Variants in NDUFAF6 observed in about 807,000 individuals in gnomAD.
NDUFAF6 encodes NADH dehydrogenase (ubiquinone) complex I, assembly factor 6.
A neutral mutation model predicts 40.8 loss-of-function variants in NDUFAF6; 45 were observed. That is an observed-to-expected ratio of 1.10 (90% CI 0.87 to 1.42). The LOEUF is 1.42. Among genes scored for constraint, NDUFAF6 ranks in the 40% most tolerant of loss-of-function variants. The pLI, the probability that NDUFAF6 is intolerant of heterozygous loss-of-function variation, is 0.00. For missense variants in NDUFAF6, 435 were observed against 418.5 expected (o/e 1.04, Z -0.34); for synonymous variants, 185 against 155.9 (o/e 1.19, Z -1.39).
At chr8:94,919,527 C>T (rs115840557) in intron 1 of NDUFAF6, among the ~76,000 whole-genome samples, 241 of 152,216 alleles carry the variant, frequency 1.6e-3, no homozygotes, top group African/African-American at 5.5e-3. Flanking sequence ...TTGTGCAGTT[C>T]CCATGATTTG....
chr8:94,991,898 C>A (rs1826212150), intron 2 of NDUFAF6, among the ~76,000 whole-genome samples: 1 of 149,124 alleles, frequency 6.7e-6, no homozygotes. Flanking sequence ...TGGATTATTT[C>A]CAAATATTTC....
At chr8:94,957,017 C>A (rs535717577), upstream of NDUFAF6, among the ~76,000 whole-genome samples, 23 of 152,132 alleles carry the variant, frequency 1.5e-4, no homozygotes, top group Non-Finnish European at 2.9e-4. Flanking sequence ...CTAAAAAATA[C>A]AAAAATTACC....
At chr8:95,051,707 TAAAG>T (rs1831452600) in intron 7 of NDUFAF6, among the ~76,000 whole-genome samples, 1 of 152,010 alleles carries the variant, frequency 6.6e-6, no homozygotes, top group Non-Finnish European at 1.5e-5. Flanking sequence ...ATCAGGGAAT[TAAAG>T]AAGGTAAAAA....
At position 95,073,406 on chromosome 8, in the gene NDUFAF6, GCGCCCGCGCCCCGCTGCC is replaced by G. The variant is rs557655381; in HGVS notation, c.*512-2225_*512-2208del. Among the ~76,000 whole-genome samples the G allele has an allele frequency of 2.1e-3, 313 of 152,306 alleles. 1 individual carries two copies. Among genetic ancestry groups the G allele is most frequent in the African/African-American group, 6.5e-3 (272 of 41,576 alleles). ...GAGTAGGCAGCGCCACCTCTCCCGA[GCGCCCGCGCCCCGCTGCC>G]CCAGCCGGGGAGGGACTGGAGGTGA... On this transcript the variant is annotated intron_variant and NMD_transcript_variant, in intron 9 of 9. Transcript: ENST00000520757.
At chr8:94,995,574 T>G (rs558322894) in intron 2 of NDUFAF6, among the ~76,000 whole-genome samples, 1 of 152,016 alleles carries the variant, frequency 6.6e-6, no homozygotes, top group African/African-American at 2.4e-5. Flanking sequence ...GCCCCCATCT[T>G]TAAAAATAAA....
At chr8:95,091,307 AAAC>A (rs1043615669) in intron 2 of NDUFAF6, among the ~76,000 whole-genome samples, 2 of 152,076 alleles carry the variant, frequency 1.3e-5, no homozygotes, top group South Asian at 2.1e-4. Flanking sequence ...GCGGCAGGAA[AAAC>A]AAGAGTGAGG....
At chr8:95,111,730 C>T (rs1000394501) in intron 4 of NDUFAF6, among the ~76,000 whole-genome samples, 3 of 152,136 alleles carry the variant, frequency 2.0e-5, no homozygotes, top group African/African-American at 4.8e-5. Flanking sequence ...CTAACAATAA[C>T]CAAAGGGGTC....
chr8:94,918,019 G>T (rs576919334), intron 1 of NDUFAF6, among the ~76,000 whole-genome samples: 13 of 152,168 alleles, frequency 8.5e-5, no homozygotes, highest in Non-Finnish European at 1.3e-4. Context: ...TTTGATCAGC[G>T]AAACTTTGTA....
chr8:94,910,726 A>C (rs1818725422), intron 1 of NDUFAF6, among the ~76,000 whole-genome samples: 1 of 152,262 alleles, frequency 6.6e-6, no homozygotes, highest in Non-Finnish European at 1.5e-5. Flanking sequence ...ATTCAGTAAT[A>C]TCACTTTTCA....
intron 1 of NDUFAF6, among the ~76,000 whole-genome samples, chr8:94,959,124 G>A (rs988442003): frequency 7.2e-5 from 11 of 152,174 alleles, no homozygotes; most frequent in Admixed American, 3.9e-4. Context: ...GAAGGGATGG[G>A]ATCAAGAAGT....
At chr8:94,992,379 C>T (rs892369919) in intron 2 of NDUFAF6, among the ~76,000 whole-genome samples, 1 of 151,978 alleles carries the variant, frequency 6.6e-6, no homozygotes, top group African/African-American at 2.4e-5. Context: ...CCCAGCTATT[C>T]GAGAAGCTGA....
Position 94,940,371 on chromosome 8 carries a change from C to G in NDUFAF6, c.-935-5112C>G. 4.5e-6 allele frequency: 4 copies of G among 895,646 alleles called. No homozygotes were observed. In the South Asian group the frequency reaches 7.3e-5, roughly 16 times the overall value. 55.5% of individuals were successfully genotyped at this position (895,646 alleles called of 1,614,324 possible). On this transcript the variant is annotated intron_variant, in intron 1 of 14. Coordinates refer to the NDUFAF6 transcript ENST00000396113. The stretch of plus-strand genomic sequence containing the variant: ...ATACTATTAGCTGATGCTCACGTAT[C>G]TTCTTTTATTTAGTTCAGAAAACCA...
intron 1 of NDUFAF6, among the ~76,000 whole-genome samples, chr8:94,961,509 C>A (rs1823569855): frequency 6.6e-6 from 1 of 152,204 alleles, no homozygotes; most frequent in Non-Finnish European, 1.5e-5. Context: ...GCAACCTCCG[C>A]CTCCCGGGCT....
In NDUFAF6 at chr8:94,997,365, GAC is replaced by G. The variant is rs1437406432; in HGVS notation, c.-84+16394_-84+16395del. Among the ~76,000 whole-genome samples the G allele has an allele frequency of 6.4e-4, 95 of 147,444 alleles. 1 individual carries two copies. Among genetic ancestry groups the G allele is most frequent in the African/African-American group, 2.2e-3 (87 of 39,026 alleles). On this transcript the variant is annotated intron_variant, in intron 2 of 9. Transcript: ENST00000396111. The stretch of plus-strand genomic sequence containing the variant: ...ACACAGAGAGAGAGAGAGAGAGAGA[GAC>G]AGAGAGAATGTAAGAGACAGATTTT...
chr8:94,904,909 T>C (rs1818291623), intron 1 of NDUFAF6, among the ~76,000 whole-genome samples: 1 of 152,148 alleles, frequency 6.6e-6, no homozygotes, highest in Non-Finnish European at 1.5e-5. Context: ...GTTAAAATTT[T>C]CTTCTTCTGG....
downstream of NDUFAF6, among the ~76,000 whole-genome samples, chr8:95,058,942 C>T (rs1832490445): frequency 6.6e-6 from 1 of 152,080 alleles, no homozygotes; most frequent in South Asian, 2.1e-4. Context: ...ACTAGGAAGG[C>T]TGAGGTGGGA....
intron 1 of NDUFAF6, among the ~76,000 whole-genome samples, chr8:94,914,038 C>T (rs969588198): frequency 7.9e-5 from 12 of 151,670 alleles, no homozygotes; most frequent in South Asian, 2.1e-4. Context: ...GCGATCTGCC[C>T]GCTTTGGCCT....
At chr8:94,949,542 G>A (rs1386017369) in intron 2 of NDUFAF6, 1 of 152,036 alleles carries the variant, frequency 6.6e-6, no homozygotes, top group Non-Finnish European at 1.5e-5. Context: ...GCTCAGCTCC[G>A]AAACAAGCCC....
At chr8:94,969,608 T>G (rs1302031752) in intron 1 of NDUFAF6, among the ~76,000 whole-genome samples, 1 of 152,182 alleles carries the variant, frequency 6.6e-6, no homozygotes, top group Non-Finnish European at 1.5e-5. Context: ...ACCACTGCAC[T>G]CCAGCCTGGT....
Sources: gnomAD v4.1 joint callset for allele counts (sites outside exome capture counted in the v4.1 genomes callset) on GRCh38, gnomAD v4.1.1 for gene constraint, MANE v1.5 for transcripts, NCBI Gene and HGNC (gene_info 2026-07-23, HGNC 2026-07-21) for gene names.